PHF21B: variants seen among roughly 807,000 people sequenced by gnomAD.
The protein encoded by PHF21B is PHD finger protein 4.
PHF21B carries 22 observed loss-of-function variants against 62.2 expected under a neutral mutation model. The observed-to-expected ratio is 0.35, with a 90% CI of 0.25 to 0.51. The LOEUF is 0.51. PHF21B is among the 20% of genes least tolerant of loss of function. The probability of loss-of-function intolerance (pLI) is 0.97; values close to 1 mark genes in which losing one functional copy is unlikely to be tolerated. For synonymous variants in PHF21B, 341 were observed against 314.7 expected (o/e 1.08, Z -0.88); for missense variants, 701 against 707.9 (o/e 0.99, Z 0.11).
chr22:44,898,996 T>C (rs2071108173), intron 5 of PHF21B, among the ~76,000 whole-genome samples: 1 of 152,208 alleles, frequency 6.6e-6, no homozygotes, highest in African/African-American at 2.4e-5. Context: ...TCCTTAAATC[T>C]GCCTCTCTAG....
chr22:44,972,828 G>C (rs974373974), intron 2 of PHF21B, among the ~76,000 whole-genome samples: 15 of 152,162 alleles, frequency 9.9e-5, no homozygotes, highest in Non-Finnish European at 1.6e-4. Context: ...TACAGACAGG[G>C]ACTGTGTCTT....
At chr22:44,965,380 C>T (rs1042172666) in intron 2 of PHF21B, among the ~76,000 whole-genome samples, 5 of 152,058 alleles carry the variant, frequency 3.3e-5, no homozygotes, top group African/African-American at 1.2e-4. Context: ...CTACACTAGC[C>T]ACCTGCACCC....
At chr22:44,994,196 A>C (rs969809420) in intron 2 of PHF21B, among the ~76,000 whole-genome samples, 3 of 152,218 alleles carry the variant, frequency 2.0e-5, no homozygotes, top group Non-Finnish European at 2.9e-5. Context: ...GTCCCCCTAA[A>C]TTTCAGATCC....
At chr22:44,953,132 A>C (rs1337853716) in intron 2 of PHF21B, among the ~76,000 whole-genome samples, 1 of 152,192 alleles carries the variant, frequency 6.6e-6, no homozygotes, top group Non-Finnish European at 1.5e-5. Flanking sequence ...ATGAACACTG[A>C]GCCAGAAGGA....
chr22:44,891,209 G>T, intron 8 of PHF21B, 97 bp downstream of exon 8: 1 of 1,390,456 alleles, frequency 7.2e-7, no homozygotes, highest in East Asian at 2.3e-5. Flanking sequence ...AGTGGGAGGC[G>T]GGCAGCCCTG....
intron 5 of PHF21B, among the ~76,000 whole-genome samples, chr22:44,904,287 G>A (rs190961733): frequency 0.032 from 4,873 of 150,924 alleles, 247 homozygotes; most frequent in African/African-American, 0.11. Flanking sequence ...AAACAAAACT[G>A]GATTTTTTTT....
intron 2 of PHF21B, among the ~76,000 whole-genome samples, chr22:44,925,783 C>T (rs1403564377): frequency 2.6e-5 from 4 of 152,122 alleles, no homozygotes; most frequent in Non-Finnish European, 5.9e-5. Context: ...GGGGATTGTC[C>T]TCCCCATTAC....
intron 2 of PHF21B, among the ~76,000 whole-genome samples, chr22:44,966,307 C>T (rs2072523979): frequency 6.6e-6 from 1 of 152,266 alleles, no homozygotes; most frequent in Non-Finnish European, 1.5e-5. Context: ...TCTCCAGCCC[C>T]TTTTTGAGAG....
At chr22:45,000,219 C>T (rs992495266) in intron 2 of PHF21B, among the ~76,000 whole-genome samples, 3 of 152,078 alleles carry the variant, frequency 2.0e-5, no homozygotes, top group Non-Finnish European at 2.9e-5. Context: ...AAACAGTACT[C>T]GGGAGGGAAA....
chr22:44,895,498 C>T (rs1039003420), intron 6 of PHF21B, among the ~76,000 whole-genome samples: 8 of 152,180 alleles, frequency 5.3e-5, no homozygotes, highest in Admixed American at 2.0e-4. Flanking sequence ...GCTAGTATGA[C>T]GGCAGGGGAG....
chr22:44,955,178 C>T (rs979657150), intron 2 of PHF21B, among the ~76,000 whole-genome samples: 1 of 152,216 alleles, frequency 6.6e-6, no homozygotes, highest in Non-Finnish European at 1.5e-5. Flanking sequence ...CACAGCAACA[C>T]CACCAGCCCC....
At chr22:44,945,952 G>A (rs1270936882) in intron 2 of PHF21B, among the ~76,000 whole-genome samples, 3 of 152,130 alleles carry the variant, frequency 2.0e-5, no homozygotes, top group Non-Finnish European at 4.4e-5. Context: ...TGCCTGGGTC[G>A]CTCTGTCCCC....
rs1412155690 is a variant in PHF21B at position 44,881,548 on chromosome 22, G to C, written c.*1538C>G. On this transcript the variant is annotated 3_prime_UTR_variant, in exon 13 of 13. Coordinates refer to ENST00000313237, the MANE Select transcript of PHF21B (RefSeq NM_138415.5). ...AAAAATCTTGTTCACCCAGTGGTAA[G>C]TGTATTAAAATAGATCTGTATCATA... 1 of 152,690 alleles carries C rather than the reference G, an allele frequency of 6.5e-6. No individual in the cohort carries two copies. The highest frequency in any genetic ancestry group is 1.5e-5 in the Non-Finnish European group (1 of 68,050). The allele number at this position is 152,690 out of a possible 1,614,324, so 9.5% of individuals were successfully genotyped here.
rs757542541 is a variant in PHF21B at position 44,920,496 on chromosome 22, A to G, written c.121-6T>C. 1 of 1,607,006 alleles carries G rather than the reference A, an allele frequency of 6.2e-7. No homozygotes were observed. The highest frequency in any genetic ancestry group is 2.2e-5 in the East Asian group (1 of 44,556). On this transcript the variant is annotated splice_polypyrimidine_tract_variant and splice_region_variant and intron_variant, in intron 2 of 12. Transcript: ENST00000313237. ...GCAGTGATCGTTCCCAAAGCCTGAA[A>G]CATACAGGAGGGCAACGCTGAGACA...
chr22:44,894,167 C>T (rs1485425728), intron 6 of PHF21B, among the ~76,000 whole-genome samples: 1 of 152,200 alleles, frequency 6.6e-6, no homozygotes, highest in East Asian at 1.9e-4. Context: ...CTCAATATTA[C>T]TCAGCCTGTT....
rs1601595595 is a variant in PHF21B at position 44,916,373 on chromosome 22, G to A, written c.471C>T (p.Pro157=). The A allele has an allele frequency of 6.3e-7, 1 of 1,592,062 alleles. No homozygotes were observed. Among genetic ancestry groups the A allele is most frequent in the East Asian group, 2.2e-5 (1 of 44,754 alleles). ...GVAYAIISTS[P]SNAAAMAPST... is the part of the protein sequence containing the mutation. ...TGGGGGCCATGGCGGCGGCATTGCT[G>A]GGGGAGGTGGAGATGATGGCGTAGG... The change falls in exon 4 of 13, where the codon CCC becomes CCT. Residue 157 remains proline, a synonymous_variant. Coordinates refer to ENST00000313237, the MANE Select transcript of PHF21B (RefSeq NM_138415.5).
intron 2 of PHF21B, among the ~76,000 whole-genome samples, chr22:44,922,147 T>C (rs2071549505): frequency 1.3e-5 from 2 of 152,216 alleles, no homozygotes; most frequent in South Asian, 4.1e-4. Context: ...ACAAAAAGGA[T>C]AAGACATCAT....
intron 2 of PHF21B, among the ~76,000 whole-genome samples, chr22:44,922,259 G>A (rs2071551481): frequency 6.6e-6 from 1 of 152,238 alleles, no homozygotes; most frequent in Admixed American, 6.5e-5. Flanking sequence ...AAAACCGTAT[G>A]CCGGCCTCAA....
At chr22:45,001,498 C>T (rs566302338) in intron 2 of PHF21B, among the ~76,000 whole-genome samples, 3 of 152,288 alleles carry the variant, frequency 2.0e-5, no homozygotes, top group South Asian at 2.1e-4. Flanking sequence ...ACATCTCACA[C>T]AAATACCTCA....
Sources: gnomAD v4.1 joint callset for allele counts (sites outside exome capture counted in the v4.1 genomes callset) on GRCh38, gnomAD v4.1.1 for gene constraint, MANE v1.5 for transcripts, NCBI Gene and HGNC (gene_info 2026-07-23, HGNC 2026-07-21) for gene names.